The following SLC8A1 variants were observed in gnomAD, a reference collection of about 807,000 sequenced individuals.
SLC8A1 encodes the protein sodium/calcium exchanger 1.
A neutral mutation model predicts 68.3 loss-of-function variants in SLC8A1; 18 were observed. The observed-to-expected ratio is 0.26, with a 90% CI of 0.18 to 0.39. The LOEUF is 0.39. Among genes scored for constraint, SLC8A1 ranks in the 10% least tolerant of loss-of-function variants. SLC8A1 has a pLI of 1.00. For missense variants in SLC8A1, 985 were observed against 1,156.7 expected, an observed-to-expected ratio of 0.85 and a Z score of 2.15; for synonymous variants, 475 against 415.5, an observed-to-expected ratio of 1.14 and a Z score of -1.74.
intron 2 of SLC8A1, among the ~76,000 whole-genome samples, chr2:40,402,399 A>T (rs934799904): frequency 2.0e-5 from 3 of 152,234 alleles, no homozygotes; most frequent in African/African-American, 7.2e-5. Context: ...AACTGTAAGT[A>T]TAATCAGTTG....
chr2:40,185,822 A>G (rs1210441749), intron 2 of SLC8A1, among the ~76,000 whole-genome samples: 1 of 152,196 alleles, frequency 6.6e-6, no homozygotes, highest in African/African-American at 2.4e-5. Context: ...TCTTTAGAAA[A>G]GGCTGTTTCC....
At chr2:40,445,791 G>A (rs1038995722) in intron 1 of SLC8A1, among the ~76,000 whole-genome samples, 1 of 152,190 alleles carries the variant, frequency 6.6e-6, no homozygotes, top group African/African-American at 2.4e-5. Flanking sequence ...CAGCTTTGAA[G>A]GGTCCATATC....
At chr2:40,463,337 G>T (rs1288552438) in intron 1 of SLC8A1, among the ~76,000 whole-genome samples, 1 of 152,136 alleles carries the variant, frequency 6.6e-6, no homozygotes, top group Non-Finnish European at 1.5e-5. Flanking sequence ...GGGAGAAAGG[G>T]GTGTCAGCGG....
At chr2:40,272,297 A>G (rs539219469) in intron 2 of SLC8A1, among the ~76,000 whole-genome samples, 20 of 152,314 alleles carry the variant, frequency 1.3e-4, no homozygotes, top group Admixed American at 1.2e-3. Context: ...CAGTCCCTAA[A>G]ACAAGAACAT....
At chr2:40,498,236 C>T (rs77489867) in intron 1 of SLC8A1, among the ~76,000 whole-genome samples, 1,523 of 152,036 alleles carry the variant, frequency 0.01, 30 homozygotes, top group African/African-American at 0.035. Context: ...ATTGGTTGGA[C>T]GGTGAACAAT....
At chr2:40,363,069 C>G (rs899735565) in intron 2 of SLC8A1, among the ~76,000 whole-genome samples, 2 of 152,054 alleles carry the variant, frequency 1.3e-5, no homozygotes, top group Non-Finnish European at 2.9e-5. Context: ...TGCTTTCATT[C>G]AGGACTACAG....
chr2:40,492,901 T>G (rs1249662783), intron 1 of SLC8A1, among the ~76,000 whole-genome samples: 1 of 151,782 alleles, frequency 6.6e-6, no homozygotes. Flanking sequence ...TTGGTGGGAC[T>G]GTAAACTAGT....
intron 1 of SLC8A1, among the ~76,000 whole-genome samples, chr2:40,494,186 C>T (rs1261623045): frequency 2.0e-5 from 3 of 152,004 alleles, no homozygotes; most frequent in Non-Finnish European, 4.4e-5. Flanking sequence ...GGTGACTCCC[C>T]TATCACTCTT....
chr2:40,419,256 C>T (rs1479561371), intron 2 of SLC8A1, among the ~76,000 whole-genome samples: 1 of 152,194 alleles, frequency 6.6e-6, no homozygotes, highest in Non-Finnish European at 1.5e-5. Context: ...CTCAAACACA[C>T]TCAGGCACGT....
chr2:40,346,011 A>T (rs973399638), intron 2 of SLC8A1, among the ~76,000 whole-genome samples: 1 of 149,844 alleles, frequency 6.7e-6, no homozygotes, highest in Non-Finnish European at 1.5e-5. Context: ...TTAAAGTAAA[A>T]TTAAAATAAA....
intron 2 of SLC8A1, among the ~76,000 whole-genome samples, chr2:40,407,175 T>C (rs534283788): frequency 1.3e-5 from 2 of 152,284 alleles, no homozygotes; most frequent in African/African-American, 4.8e-5. Flanking sequence ...CAACAGATTC[T>C]CCTGCTCAGC....
intron 2 of SLC8A1, among the ~76,000 whole-genome samples, chr2:40,377,133 G>A (rs199874363): frequency 2.2e-5 from 3 of 134,498 alleles, no homozygotes; most frequent in African/African-American, 1.2e-4. Context: ...ACTCAAGGAA[G>A]AGTTTATCCC....
chr2:40,323,204 T>C (rs187064252), intron 2 of SLC8A1, among the ~76,000 whole-genome samples: 42 of 152,278 alleles, frequency 2.8e-4, no homozygotes, highest in African/African-American at 8.7e-4. Flanking sequence ...ATAATAATTT[T>C]TCTTAAATGG....
intron 2 of SLC8A1, among the ~76,000 whole-genome samples, chr2:40,287,400 G>A (rs779139834): frequency 9.9e-5 from 15 of 151,974 alleles, no homozygotes; most frequent in Non-Finnish European, 1.2e-4. Context: ...TAGGAGTCAG[G>A]CACTCACAGA....
At chr2:40,150,807 C>T (rs967712968) in intron 6 of SLC8A1, among the ~76,000 whole-genome samples, 10 of 151,936 alleles carry the variant, frequency 6.6e-5, no homozygotes, top group Non-Finnish European at 1.2e-4. Context: ...TTTTTTTCTC[C>T]CACCCTCTCG....
In SLC8A1 at chr2:40,105,243, A is replaced by G. The variant is rs2034124377; in HGVS notation, c.*10010T>C. 7 of 152,362 alleles carry G rather than the reference A, an allele frequency of 4.6e-5. No individual in the cohort carries two copies. In the South Asian group the frequency reaches 1.5e-3, roughly 32 times the overall value. 9.4% of individuals were successfully genotyped at this position (152,362 alleles called of 1,614,324 possible). A position where few individuals can be genotyped will look rare whatever the true frequency, so the allele number is the denominator to read the frequency against. On this transcript the variant is annotated 3_prime_UTR_variant, in exon 8 of 8. Coordinates refer to ENST00000406785, the Ensembl canonical transcript of SLC8A1. Reference sequence around the variant, plus strand: ...AGCAAAACATCAAGAGAGTCTGACAAAAGCTCTGCCCTCCTCTGTAACCCA... The same window carrying G: ...AGCAAAACATCAAGAGAGTCTGACAGAAGCTCTGCCCTCCTCTGTAACCCA...
At chr2:40,500,369 G>A (rs939595212) in intron 1 of SLC8A1, among the ~76,000 whole-genome samples, 4 of 152,002 alleles carry the variant, frequency 2.6e-5, no homozygotes, top group African/African-American at 9.7e-5. Flanking sequence ...GAGAAACACT[G>A]CATTACTATA....
At chr2:40,229,771 T>C (rs1036816998) in intron 2 of SLC8A1, among the ~76,000 whole-genome samples, 3 of 152,192 alleles carry the variant, frequency 2.0e-5, no homozygotes, top group African/African-American at 7.2e-5. Flanking sequence ...TATATCTTAC[T>C]TTTTGCCTTC....
intron 2 of SLC8A1, among the ~76,000 whole-genome samples, chr2:40,356,917 G>A (rs1022904574): frequency 6.6e-6 from 1 of 152,090 alleles, no homozygotes; most frequent in African/African-American, 2.4e-5. Context: ...AAATGACAAG[G>A]CACATGCCAT....
Sources: allele counts gnomAD v4.1 joint callset (sites outside exome capture counted in the v4.1 genomes callset), GRCh38; gene constraint gnomAD v4.1.1; transcripts MANE v1.5; gene names NCBI Gene and HGNC (gene_info 2026-07-23, HGNC 2026-07-21).